ACER1: variants seen among roughly 807,000 people sequenced by gnomAD.
ACER1 encodes alkaline ceramidase 1.
A neutral mutation model predicts 24.9 loss-of-function variants in ACER1; 28 were observed. That is an observed-to-expected ratio of 1.13 (90% CI 0.83 to 1.54). The LOEUF (loss-of-function observed/expected upper bound fraction) is 1.54, where lower values mean the gene tolerates loss of function less well. ACER1 is among the 40% of genes most tolerant of loss of function. The pLI is 0.00. For missense variants in ACER1, 352 were observed against 349.3 expected, an observed-to-expected ratio of 1.01 and a Z score of -0.06; for synonymous variants, 132 against 131.4, an observed-to-expected ratio of 1.00 and a Z score of -0.03.
chr19:6,341,439 T>C, the ACER1 span, among the ~76,000 whole-genome samples: 1 of 148,300 alleles, frequency 6.7e-6, no homozygotes, highest in Non-Finnish European at 1.5e-5. Context: ...ATGGGAAGAT[T>C]GCTTGAGCCT....
chr19:6,348,213 C>T, the ACER1 span, among the ~76,000 whole-genome samples: 1 of 151,570 alleles, frequency 6.6e-6, no homozygotes, highest in East Asian at 1.9e-4. Context: ...ATCTGTAATC[C>T]CAGCACTTTG....
upstream of ACER1, among the ~76,000 whole-genome samples, chr19:6,334,258 AT>A: frequency 6.6e-6 from 1 of 151,864 alleles, no homozygotes; most frequent in Non-Finnish European, 1.5e-5. Context: ...GTTAGCCAGG[AT>A]GGTCTCGATC....
At chr19:6,351,614 TC>T in the ACER1 span, among the ~76,000 whole-genome samples, 1 of 150,070 alleles carries the variant, frequency 6.7e-6, no homozygotes, top group African/African-American at 2.4e-5. Flanking sequence ...GCACATGTGG[TC>T]CCAGCTACTC....
In ACER1 at chr19:6,320,510, G is replaced by A. The variant is rs576385772; in HGVS notation, c.94-8011C>T. Reference sequence around the variant, plus strand: ...GTATTTTTAGTAGAGACGGGGTTTCGCTATATTGGCCATGCTGGTCTGAAA... The same window carrying A: ...GTATTTTTAGTAGAGACGGGGTTTCACTATATTGGCCATGCTGGTCTGAAA... On this transcript the variant is annotated intron_variant, in intron 1 of 5. Transcript: ENST00000301452. Among the ~76,000 whole-genome samples, 26 of 151,960 alleles carry A rather than the reference G, an allele frequency of 1.7e-4. 1 individual carries two copies. Among genetic ancestry groups the A allele is most frequent in the African/African-American group, 6.3e-4 (26 of 41,422 alleles).
At chr19:6,322,151 T>C in intron 1 of ACER1, among the ~76,000 whole-genome samples, 1 of 152,200 alleles carries the variant, frequency 6.6e-6, no homozygotes, top group East Asian at 1.9e-4. Context: ...ACTGGTTTCA[T>C]GCATGTAATT....
intron 1 of ACER1, among the ~76,000 whole-genome samples, chr19:6,331,361 G>C (rs532972981): frequency 1.4e-5 from 2 of 147,594 alleles, no homozygotes; most frequent in East Asian, 4.0e-4. Context: ...ACGTTGGCCA[G>C]GATGGTCTTG....
At chr19:6,342,547 G>A in the ACER1 span, among the ~76,000 whole-genome samples, 3 of 151,470 alleles carry the variant, frequency 2.0e-5, no homozygotes, top group African/African-American at 2.4e-5. Flanking sequence ...GTGAAACCCC[G>A]TCTCTACTAA....
At chr19:6,326,098 G>A (rs978590863) in intron 1 of ACER1, among the ~76,000 whole-genome samples, 1 of 149,546 alleles carries the variant, frequency 6.7e-6, no homozygotes, top group Non-Finnish European at 1.5e-5. Flanking sequence ...GGGACCACAA[G>A]TGTGCACCAC....
At chr19:6,356,059 A>G in the ACER1 span, among the ~76,000 whole-genome samples, 1 of 151,376 alleles carries the variant, frequency 6.6e-6, no homozygotes, top group South Asian at 2.1e-4. Flanking sequence ...GGATTGAGAA[A>G]TCGGATGGTT....
At chr19:6,353,733 G>A in the ACER1 span, among the ~76,000 whole-genome samples, 2 of 151,894 alleles carry the variant, frequency 1.3e-5, no homozygotes, top group South Asian at 2.1e-4. Flanking sequence ...GCTGAGGCAG[G>A]AGAATTGCTT....
intron 1 of ACER1, among the ~76,000 whole-genome samples, chr19:6,316,682 T>C (rs2091604651): frequency 1.3e-5 from 2 of 151,644 alleles, no homozygotes; most frequent in Non-Finnish European, 2.9e-5. Context: ...TAGCCGAGCA[T>C]GGTGGTGCAT....
At chr19:6,350,507 G>A in the ACER1 span, among the ~76,000 whole-genome samples, 1 of 151,856 alleles carries the variant, frequency 6.6e-6, no homozygotes, top group African/African-American at 2.4e-5. Flanking sequence ...GGAGGCGGAG[G>A]TTGCAGTGAG....
chr19:6,352,055 C>CA, the ACER1 span, among the ~76,000 whole-genome samples: 3,301 of 109,350 alleles, frequency 0.03, 57 homozygotes, highest in South Asian at 0.075. Flanking sequence ...GACTCCATCT[C>CA]AAAAAAAAAA....
At chr19:6,341,583 T>C in the ACER1 span, among the ~76,000 whole-genome samples, 332 of 151,956 alleles carry the variant, frequency 2.2e-3, 2 homozygotes, top group African/African-American at 7.8e-3. Flanking sequence ...ATACCCATCT[T>C]AGCATTGGGC....
chr19:6,347,439 T>C, the ACER1 span, among the ~76,000 whole-genome samples: 5 of 152,114 alleles, frequency 3.3e-5, 1 homozygote, highest in South Asian at 4.1e-4. Flanking sequence ...AAGCTGGCCT[T>C]GAACTCTTGG....
At chr19:6,325,306 C>G (rs2091655698) in intron 1 of ACER1, among the ~76,000 whole-genome samples, 1 of 152,182 alleles carries the variant, frequency 6.6e-6, no homozygotes, top group Non-Finnish European at 1.5e-5. Context: ...GGAGACTCCC[C>G]CTGGGCTCCG....
At chr19:6,316,661 A>G (rs2091604570) in intron 1 of ACER1, among the ~76,000 whole-genome samples, 1 of 151,912 alleles carries the variant, frequency 6.6e-6, no homozygotes, top group Non-Finnish European at 1.5e-5. Context: ...TCTACTAAAG[A>G]TACAAAAAAT....
chr19:6,310,535 A>C (rs2091574124), intron 3 of ACER1, among the ~76,000 whole-genome samples: 1 of 151,924 alleles, frequency 6.6e-6, no homozygotes, highest in Non-Finnish European at 1.5e-5. Context: ...ACGCCACGGC[A>C]CTCCAGCCTG....
upstream of ACER1, among the ~76,000 whole-genome samples, chr19:6,335,318 T>C (rs2091709490): frequency 6.9e-6 from 1 of 143,952 alleles, no homozygotes; most frequent in Middle Eastern, 3.5e-3. Flanking sequence ...TCCACCTCCC[T>C]AGTTCAAGCA....
Sources: gnomAD v4.1 joint callset for allele counts (sites outside exome capture counted in the v4.1 genomes callset) on GRCh38, gnomAD v4.1.1 for gene constraint, MANE v1.5 for transcripts, NCBI Gene and HGNC (gene_info 2026-07-23, HGNC 2026-07-21) for gene names.